The following TRPM3 variants were observed in gnomAD, a reference collection of about 807,000 sequenced individuals.
TRPM3 encodes the protein long transient receptor potential channel 3.
Under a neutral mutation model 181.2 loss-of-function variants are expected in TRPM3, and 77 were observed. The ratio of observed to expected loss-of-function variants is 0.42; its 90% confidence interval spans 0.35 to 0.51. The LOEUF (loss-of-function observed/expected upper bound fraction) is 0.51, where lower values mean the gene tolerates loss of function less well. Among genes scored for constraint, TRPM3 ranks in the 20% least tolerant of loss-of-function variants. TRPM3 has a pLI of 0.01. For missense variants in TRPM3, 1,759 were observed against 2,196.7 expected (o/e 0.80, Z 3.98); for synonymous variants, 745 against 796.4 (o/e 0.94, Z 1.09).
At chr9:71,047,810 TCACACACACACACA>T (rs56653631) in intron 1 of TRPM3, among the ~76,000 whole-genome samples, 1,631 of 141,608 alleles carry the variant, frequency 0.012, 33 homozygotes, top group African/African-American at 0.037. Flanking sequence ...ACTGGCTGCA[TCACACACACACACA>T]CACACACACA....
intron 19 of TRPM3, among the ~76,000 whole-genome samples, chr9:70,609,008 A>G (rs1458470848): frequency 1.3e-5 from 2 of 152,242 alleles, no homozygotes; most frequent in East Asian, 3.8e-4. Flanking sequence ...ATTGCTGGGC[A>G]ACGTGAATAG....
At chr9:70,894,595 A>C (rs1359839078) in intron 1 of TRPM3, among the ~76,000 whole-genome samples, 4 of 152,214 alleles carry the variant, frequency 2.6e-5, no homozygotes, top group Non-Finnish European at 5.9e-5. Flanking sequence ...CTAGGAGAGC[A>C]TTGAACTTTA....
intron 1 of TRPM3, among the ~76,000 whole-genome samples, chr9:71,096,590 A>ACACACACACACTCTCTCTCTCT (rs1452142664): frequency 4.4e-5 from 4 of 90,042 alleles, no homozygotes; most frequent in African/African-American, 2.1e-4. Context: ...ACACACACAC[A>ACACACACACACTCTCTCTCTCT]CTCTCTCTCT....
intron 1 of TRPM3, among the ~76,000 whole-genome samples, chr9:71,037,258 A>G (rs1040759930): frequency 6.6e-6 from 1 of 152,200 alleles, no homozygotes; most frequent in African/African-American, 2.4e-5. Context: ...GTGCTTAGGT[A>G]TATAAGACCA....
intron 1 of TRPM3, among the ~76,000 whole-genome samples, chr9:71,304,096 C>T (rs1316518655): frequency 6.6e-6 from 1 of 152,056 alleles, no homozygotes; most frequent in Non-Finnish European, 1.5e-5. Context: ...GACCAATACA[C>T]AAAATTGTTA....
chr9:71,337,460 G>A lies in TRPM3; in HGVS notation c.183+109193C>T, dbSNP rs150639203. On this transcript the variant is annotated intron_variant, in intron 1 of 24. Transcript: ENST00000357533. The stretch of plus-strand genomic sequence containing the variant: ...GGAGAGGATGTAGAGAAATAGGAAC[G>A]CTTTTACACTGTTGGTGGGAGTGTA... Among the ~76,000 whole-genome samples, 1,047 of 152,216 alleles carry A rather than the reference G, an allele frequency of 6.9e-3. 36 individuals carry two copies. Among genetic ancestry groups the A allele is most frequent in the Admixed American group, 0.056 (856 of 15,276 alleles).
intron 1 of TRPM3, among the ~76,000 whole-genome samples, chr9:71,041,313 T>C (rs1252756206): frequency 6.6e-6 from 1 of 152,154 alleles, no homozygotes; most frequent in Non-Finnish European, 1.5e-5. Flanking sequence ...TGATTCTTTA[T>C]AATATTTTGC....
chr9:71,052,088 A>T (rs1230208074), intron 1 of TRPM3, among the ~76,000 whole-genome samples: 1 of 152,158 alleles, frequency 6.6e-6, no homozygotes, highest in Non-Finnish European at 1.5e-5. Flanking sequence ...TCACACAGGT[A>T]GTTAATGGTA....
intron 1 of TRPM3, among the ~76,000 whole-genome samples, chr9:71,027,245 G>C (rs2056677719): frequency 6.6e-6 from 1 of 152,134 alleles, no homozygotes; most frequent in South Asian, 2.1e-4. Context: ...AGTGAAGCTA[G>C]TCCACTGACC....
At chr9:71,416,357 G>A (rs767244765) in intron 1 of TRPM3, among the ~76,000 whole-genome samples, 13 of 151,638 alleles carry the variant, frequency 8.6e-5, no homozygotes, top group African/African-American at 2.2e-4. Flanking sequence ...TGGATTGGTC[G>A]GCAATTTATC....
At chr9:71,111,996 A>G (rs2071213679) in intron 1 of TRPM3, among the ~76,000 whole-genome samples, 1 of 152,218 alleles carries the variant, frequency 6.6e-6, no homozygotes, top group African/African-American at 2.4e-5. Flanking sequence ...ATGATACATG[A>G]TATAGTAAAA....
At position 71,003,838 on chromosome 9, in the gene TRPM3, G is replaced by A. The variant is rs73478175; in HGVS notation, c.177+117340C>T. Among the ~76,000 whole-genome samples, 232 of 152,066 alleles carry A rather than the reference G, an allele frequency of 1.5e-3. 1 individual carries two copies. The highest frequency in any genetic ancestry group is 5.3e-3 in the African/African-American group (218 of 41,466). On this transcript the variant is annotated intron_variant, in intron 1 of 25. Coordinates refer to ENST00000677713, the MANE Select transcript of TRPM3 (RefSeq NM_001366145.2). ...GAATTCAATAGAACTCAAGGGAGAA[G>A]TAGAGAACGCCCTGGGCTCACGAAA...
intron 1 of TRPM3, among the ~76,000 whole-genome samples, chr9:70,965,814 T>C (rs568145584): frequency 7.0e-4 from 106 of 152,116 alleles, no homozygotes; most frequent in Non-Finnish European, 9.9e-4. Context: ...ATAAAGTGGG[T>C]TGCGGACAAG....
intron 1 of TRPM3, among the ~76,000 whole-genome samples, chr9:71,438,598 G>A (rs868638727): frequency 1.3e-5 from 2 of 152,142 alleles, no homozygotes; most frequent in Admixed American, 6.5e-5. Flanking sequence ...ACCTGAGCCC[G>A]GGAGGCTGAG....
intron 6 of TRPM3, among the ~76,000 whole-genome samples, chr9:70,788,134 G>A (rs1309890178): frequency 1.4e-5 from 2 of 147,316 alleles, no homozygotes; most frequent in African/African-American, 5.0e-5. Flanking sequence ...CTAGCATTAG[G>A]TATATCTCCC....
At chr9:70,563,651 T>C (rs538466722) in intron 22 of TRPM3, among the ~76,000 whole-genome samples, 1 of 152,192 alleles carries the variant, frequency 6.6e-6, no homozygotes, top group East Asian at 1.9e-4. Flanking sequence ...TTAAAGAACA[T>C]ATAGAGCCTG....
At position 70,989,462 on chromosome 9, in the gene TRPM3, G is replaced by A. The variant is rs1345087407; in HGVS notation, c.178-124951C>T. On this transcript the variant is annotated intron_variant, in intron 1 of 25. Coordinates refer to ENST00000677713, the MANE Select transcript of TRPM3 (RefSeq NM_001366145.2). ...AAACAATCTAGAAGCAACAGCAACT[G>A]AACTTTTAACTTGGTGAAACAGCAA... Among the ~76,000 whole-genome samples the A allele has an allele frequency of 5.9e-5, 9 of 152,276 alleles. No homozygotes were observed. The East Asian group carries it at 1.5e-3, about 26-fold the overall frequency.
intron 1 of TRPM3, among the ~76,000 whole-genome samples, chr9:71,073,758 C>G (rs1305694486): frequency 6.6e-6 from 1 of 151,744 alleles, no homozygotes; most frequent in Non-Finnish European, 1.5e-5. Flanking sequence ...CCATGATGCA[C>G]AAATTAATTA....
chr9:71,402,055 C>A (rs993627438), intron 1 of TRPM3, among the ~76,000 whole-genome samples: 5 of 152,130 alleles, frequency 3.3e-5, no homozygotes, highest in Non-Finnish European at 7.4e-5. Context: ...TTTCAGCCAG[C>A]GAGGTTGAAA....
Sources: allele counts gnomAD v4.1 joint callset (sites outside exome capture counted in the v4.1 genomes callset), GRCh38; gene constraint gnomAD v4.1.1; transcripts MANE v1.5; gene names NCBI Gene and HGNC (gene_info 2026-07-23, HGNC 2026-07-21).